Variants in MARCHF4 observed in about 807,000 individuals in gnomAD.
The protein encoded by MARCHF4 is E3 ubiquitin-protein ligase MARCHF4.
Under a neutral mutation model 43.9 loss-of-function variants are expected in MARCHF4, and 14 were observed. That is an observed-to-expected ratio of 0.32 (90% CI 0.21 to 0.50). The LOEUF is 0.50. MARCHF4 is among the 20% of genes least tolerant of loss of function. The pLI is 0.98. For synonymous variants in MARCHF4, 226 were observed against 213.3 expected (o/e 1.06, Z -0.52); for missense variants, 468 against 536.7 (o/e 0.87, Z 1.27).
At chr2:216,316,490 T>C (rs148858080) in intron 1 of MARCHF4, among the ~76,000 whole-genome samples, 1 of 152,130 alleles carries the variant, frequency 6.6e-6, no homozygotes, top group East Asian at 2.0e-4. Context: ...GAACGGGGTA[T>C]TGCATAGTGG....
intron 1 of MARCHF4, among the ~76,000 whole-genome samples, chr2:216,340,553 C>G (rs972654707): frequency 2.0e-5 from 3 of 152,212 alleles, no homozygotes; most frequent in African/African-American, 7.2e-5. Flanking sequence ...CTTCCTTTGG[C>G]CTTTGTCAGT....
intron 1 of MARCHF4, among the ~76,000 whole-genome samples, chr2:216,285,111 C>T (rs1691198296): frequency 6.6e-6 from 1 of 152,024 alleles, no homozygotes; most frequent in South Asian, 2.1e-4. Context: ...AGTGCCAAGC[C>T]CTAAATAAGT....
chr2:216,307,243 C>A (rs748489265), intron 1 of MARCHF4, among the ~76,000 whole-genome samples: 43 of 152,116 alleles, frequency 2.8e-4, no homozygotes, highest in Non-Finnish European at 4.7e-4. Context: ...CTCACAGGGG[C>A]TCAACCGCTG....
chr2:216,275,983 C>G (rs983564761), intron 3 of MARCHF4, among the ~76,000 whole-genome samples: 3 of 152,206 alleles, frequency 2.0e-5, no homozygotes, highest in African/African-American at 7.2e-5. Flanking sequence ...AATGCACAAC[C>G]AGAAGTTAAG....
At chr2:216,333,126 C>T (rs1692105684) in intron 1 of MARCHF4, among the ~76,000 whole-genome samples, 1 of 151,728 alleles carries the variant, frequency 6.6e-6, no homozygotes, top group Non-Finnish European at 1.5e-5. Flanking sequence ...CACACAAATA[C>T]CATTAATTAT....
In MARCHF4 at chr2:216,259,108, T is replaced by C. The variant is rs1574455739; in HGVS notation, c.*204A>G. ...AGTTGGTGTTGGTTTTCATTGTTGT[T>C]GTGGAGAGTGGCATTGACTGATTGG... is the stretch of plus-strand genomic sequence containing the variant. On this transcript the variant is annotated 3_prime_UTR_variant, in exon 4 of 4. Transcript: ENST00000273067. The C allele has an allele frequency of 3.6e-6, 2 of 557,306 alleles. No individual in the cohort carries two copies. Among genetic ancestry groups the C allele is most frequent in the African/African-American group, 1.8e-5 (1 of 54,398 alleles). 34.5% of individuals were successfully genotyped at this position (557,306 alleles called of 1,614,324 possible). A position where few individuals can be genotyped will look rare whatever the true frequency, so the allele number is the denominator to read the frequency against.
intron 1 of MARCHF4, among the ~76,000 whole-genome samples, chr2:216,294,665 G>A (rs187579129): frequency 2.6e-5 from 4 of 152,290 alleles, no homozygotes; most frequent in African/African-American, 9.6e-5. Context: ...GCATTCAGAA[G>A]CTCAGGCTTC....
intron 1 of MARCHF4, among the ~76,000 whole-genome samples, chr2:216,324,907 G>A (rs1490480265): frequency 1.9e-4 from 29 of 149,548 alleles, no homozygotes; most frequent in African/African-American, 7.3e-4. Flanking sequence ...ACGGGCACAA[G>A]ACAGGGATGC....
At chr2:216,292,507 T>A (rs772093776) in intron 1 of MARCHF4, among the ~76,000 whole-genome samples, 1 of 152,172 alleles carries the variant, frequency 6.6e-6, no homozygotes, top group Non-Finnish European at 1.5e-5. Flanking sequence ...TAAGGAGAGA[T>A]GACAGAGAAA....
At chr2:216,317,961 A>T (rs1691808921) in intron 1 of MARCHF4, 1 of 152,248 alleles carries the variant, frequency 6.6e-6, no homozygotes, top group Non-Finnish European at 1.5e-5. Flanking sequence ...TGTGAAGATT[A>T]CTAGGAAAAC....
intron 3 of MARCHF4, among the ~76,000 whole-genome samples, chr2:216,273,992 G>A (rs952871345): frequency 9.9e-5 from 15 of 152,224 alleles, no homozygotes; most frequent in African/African-American, 3.6e-4. Flanking sequence ...TGATGAAGTT[G>A]GAGTGTCGGT....
At position 216,352,697 on chromosome 2, in the gene MARCHF4, G is replaced by A. The variant is rs559927891; in HGVS notation, c.516+17048C>T. ...AAAAGCTCCTCCTTCGACCTGGAGCGTGTTCCACTCTCTTATCTTGGCTAA... is the reference window on the plus strand; with the variant it reads ...AAAAGCTCCTCCTTCGACCTGGAGCATGTTCCACTCTCTTATCTTGGCTAA... On this transcript the variant is annotated intron_variant, in intron 1 of 3. Transcript: ENST00000273067. Among the ~76,000 whole-genome samples the A allele has an allele frequency of 1.1e-3, 161 of 152,200 alleles. 1 individual carries two copies. Among genetic ancestry groups the A allele is most frequent in the African/African-American group, 2.6e-3 (110 of 41,518 alleles).
intron 1 of MARCHF4, among the ~76,000 whole-genome samples, chr2:216,290,118 T>C (rs575136777): frequency 5.3e-5 from 8 of 152,300 alleles, no homozygotes; most frequent in African/African-American, 1.9e-4. Context: ...AAGTAAACCA[T>C]ATATACCTAA....
intron 1 of MARCHF4, among the ~76,000 whole-genome samples, chr2:216,360,912 T>C (rs1692567150): frequency 6.6e-6 from 1 of 151,218 alleles, no homozygotes; most frequent in African/African-American, 2.5e-5. Flanking sequence ...ATTCCAGGGC[T>C]CAAACGATCC....
intron 1 of MARCHF4, among the ~76,000 whole-genome samples, chr2:216,350,757 C>G (rs1692394382): frequency 6.6e-6 from 1 of 152,142 alleles, no homozygotes; most frequent in African/African-American, 2.4e-5. Flanking sequence ...ATTGGAACAT[C>G]TCATCATCAT....
intron 1 of MARCHF4, among the ~76,000 whole-genome samples, chr2:216,339,186 C>G (rs775267722): frequency 2.0e-5 from 3 of 152,322 alleles, no homozygotes; most frequent in Non-Finnish European, 4.4e-5. Flanking sequence ...ACCAATCCCC[C>G]CTTTCCTGGC....
intron 1 of MARCHF4, among the ~76,000 whole-genome samples, chr2:216,295,606 T>C (rs1399888395): frequency 6.6e-6 from 1 of 152,220 alleles, no homozygotes; most frequent in Non-Finnish European, 1.5e-5. Context: ...TCCCTTCACA[T>C]GCTAACAAAA....
chr2:216,354,906 T>TCTTTCTTTCTTC (rs1559106513), intron 1 of MARCHF4, among the ~76,000 whole-genome samples: 2,069 of 69,430 alleles, frequency 0.03, 90 homozygotes, highest in South Asian at 0.042. Context: ...TTTCTTTCTT[T>TCTTTCTTTCTTC]CTTTCTTTCT....
intron 3 of MARCHF4, among the ~76,000 whole-genome samples, chr2:216,276,528 C>G (rs1475296277): frequency 6.6e-6 from 1 of 152,226 alleles, no homozygotes; most frequent in Non-Finnish European, 1.5e-5. Context: ...CATCCCTGGT[C>G]TCTGGCTGCT....
Sources: allele counts gnomAD v4.1 joint callset (sites outside exome capture counted in the v4.1 genomes callset), GRCh38; gene constraint gnomAD v4.1.1; transcripts MANE v1.5; gene names NCBI Gene and HGNC (gene_info 2026-07-23, HGNC 2026-07-21).